The following FOXE3 variants were observed in gnomAD, a reference collection of about 807,000 sequenced individuals.
The protein encoded by FOXE3 is forkhead box E3, also known as forkhead box protein E3.
For missense variants in FOXE3, 520 were observed against 507.8 expected (o/e 1.02, Z -0.23); for synonymous variants, 274 against 258.3 (o/e 1.06, Z -0.58).
In FOXE3 at chr1:47,417,819, A is replaced by G. The variant is rs1646894566; in HGVS notation, c.*544A>G. 6.0e-6 allele frequency: 1 copy of G among 167,172 alleles called. No homozygotes were observed. The highest frequency in any genetic ancestry group is 6.6e-5 in the Admixed American group (1 of 15,262). 10.4% of individuals were successfully genotyped at this position (167,172 alleles called of 1,614,324 possible). A position where few individuals can be genotyped will look rare whatever the true frequency, so the allele number is the denominator to read the frequency against. On this transcript the variant is annotated 3_prime_UTR_variant, in exon 1 of 1. Transcript: ENST00000335071. The surrounding 1 kb of genome is among the most constrained non-coding windows in gnomAD (Gnocchi z 4.3). ...CACCTCCACTTACCTGTCTGCCCTCAGCTTCTTCCTGGGAGAGAGCCCCCC... is the reference window on the plus strand; with the variant it reads ...CACCTCCACTTACCTGTCTGCCCTCGGCTTCTTCCTGGGAGAGAGCCCCCC...
rs1298081596 is a variant in FOXE3 at position 47,417,142 on chromosome 1, C to G, written c.827C>G (p.Pro276Arg). 2 of 1,401,664 alleles carry G rather than the reference C, an allele frequency of 1.4e-6. No homozygotes were observed. Among genetic ancestry groups the G allele is most frequent in the Middle Eastern group, 2.6e-4 (1 of 3,902 alleles). 86.8% of individuals were successfully genotyped at this position (1,401,664 alleles called of 1,614,324 possible). Reference protein sequence around the residue: ...PDRLVLPATRPGPGPLPAEPL... With the variant: ...PDRLVLPATRRGPGPLPAEPL... ...CGCCTGGTACTGCCCGCGACGCGCC[C>G]CGGCCCCGGCCCGCTGCCCGCTGAG... Residue 276 changes from proline to arginine, a missense_variant, in exon 1 of 1, where the codon CCC becomes CGC. By Grantham distance (103) the Pro-to-Arg change is moderately radical (BLOSUM62 -2). Coordinates refer to ENST00000335071, the MANE Select transcript of FOXE3 (RefSeq NM_012186.3). The surrounding 1 kb of genome is among the most constrained non-coding windows in gnomAD (Gnocchi z 4.3).
Position 47,416,582 on chromosome 1 carries a change from C to T in FOXE3, c.267C>T (p.Gly89=). The T allele has an allele frequency of 6.2e-7, 1 of 1,605,894 alleles. No individual in the cohort carries two copies. Among genetic ancestry groups the T allele is most frequent in the South Asian group, 1.1e-5 (1 of 90,438 alleles). Residue 89 remains glycine, a synonymous_variant, in exon 1 of 1, where the codon GGC becomes GGT. Transcript: ENST00000335071. The surrounding 1 kb of genome is among the most constrained non-coding windows in gnomAD (Gnocchi z 4.2). The part of the protein sequence containing the change: ...LIAMALAHAP[G]RRLTLAAIYR... ...CCATGGCTCTGGCGCACGCCCCGGG[C>T]CGCCGCCTCACGCTGGCCGCCATCT...
In FOXE3 at chr1:47,416,806, G is replaced by GCAAGCGCTT. The variant is rs1553123621; in HGVS notation, c.499_507dup (p.Phe167_Arg169dup). The GCAAGCGCTT allele has an allele frequency of 6.3e-7, 1 of 1,585,134 alleles. No individual in the cohort carries two copies. Among genetic ancestry groups the GCAAGCGCTT allele is most frequent in the African/African-American group, 1.4e-5 (1 of 72,202 alleles). The stretch of plus-strand genomic sequence containing the variant: ...GACAACGGCAGCTTCCTGCGGCGCC[G>GCAAGCGCTT]CAAGCGCTTCAAGCGCGCCGAGCTG... On this transcript the variant is annotated inframe_insertion, in exon 1 of 1. Transcript: ENST00000335071. The surrounding 1 kb of genome is among the most constrained non-coding windows in gnomAD (Gnocchi z 4.2).
chr1:47,416,412 G>C lies in FOXE3; in HGVS notation c.97G>C (p.Ala33Pro). 2.4e-6 allele frequency: 3 copies of C among 1,270,188 alleles called. No individual in the cohort carries two copies. Among genetic ancestry groups the C allele is most frequent in the South Asian group, 2.2e-5 (1 of 44,464 alleles). The allele number at this position is 1,270,188 out of a possible 1,614,324, so 78.7% of individuals were successfully genotyped here. Residue 33 changes from alanine to proline, a missense_variant, in exon 1 of 1, where the codon GCA becomes CCA. By Grantham distance (27) the Ala-to-Pro change is conservative. Coordinates refer to ENST00000335071, the MANE Select transcript of FOXE3 (RefSeq NM_012186.3). This position sits in a 1 kb window ranked among gnomAD's most constrained non-coding sequence, Gnocchi z 4.2. ...APSGPPPSPL[A>P]GAEPGREPEE... Reference sequence around the variant, plus strand: ...GTCGGGGCCGCCGCCGTCGCCGCTCGCAGGAGCCGAGCCAGGGCGGGAGCC... The same window carrying C: ...GTCGGGGCCGCCGCCGTCGCCGCTCCCAGGAGCCGAGCCAGGGCGGGAGCC...
rs2124042635 is a variant in FOXE3, at chr1:47,416,689, T to C, written c.374T>C (p.Leu125Pro). 6.2e-7 allele frequency: 1 copy of C among 1,609,492 alleles called. No homozygotes were observed. Among genetic ancestry groups the C allele is most frequent in the Non-Finnish European group, 8.5e-7 (1 of 1,177,716 alleles). ...AACAGCATCCGCCACAATCTCACGC[T>C]CAACGACTGCTTCGTCAAGGTGCCC... ...WQNSIRHNLT[L>P]NDCFVKVPRE... The change falls in exon 1 of 1, where the codon CTC becomes CCC. Residue 125 changes from leucine (L) to proline (P), a missense_variant. Leu to Pro is a moderately conservative substitution (Grantham distance 98). Transcript: ENST00000335071. The surrounding 1 kb of genome is among the most constrained non-coding windows in gnomAD (Gnocchi z 4.2).
In FOXE3 at chr1:47,417,169, C is replaced by A. The variant is rs1184373895; in HGVS notation, c.854C>A (p.Pro285His). 44 of 1,389,184 alleles carry A rather than the reference C, an allele frequency of 3.2e-5. No individual in the cohort carries two copies. Among genetic ancestry groups the A allele is most frequent in the Non-Finnish European group, 3.8e-5 (41 of 1,079,420 alleles). The allele number at this position is 1,389,184 out of a possible 1,614,324, so 86.1% of individuals were successfully genotyped here. A position where few individuals can be genotyped will look rare whatever the true frequency, so the allele number is the denominator to read the frequency against. The change falls in exon 1 of 1, where the codon CCC (proline) becomes CAC (histidine). Residue 285 changes from proline (P) to histidine (H), a missense_variant. Physicochemically the swap from Pro to His is moderately conservative, Grantham distance 77. Transcript: ENST00000335071. The surrounding 1 kb of genome is among the most constrained non-coding windows in gnomAD (Gnocchi z 4.3). ...RPGPGPLPAE[P>H]LLALAGPAAA... is the part of the protein sequence containing the mutation. The stretch of plus-strand genomic sequence containing the variant: ...GGCCCCGGCCCGCTGCCCGCTGAGC[C>A]CCTCCTGGCCTTGGCCGGGCCGGCA...
rs1373839267 is a variant in FOXE3, at chr1:47,417,154, C to G, written c.839C>G (p.Pro280Arg). The part of the protein sequence containing the change: ...VLPATRPGPG[P>R]LPAEPLLALA... ...CCCGCGACGCGCCCCGGCCCCGGCC[C>G]GCTGCCCGCTGAGCCCCTCCTGGCC... Residue 280 changes from proline (P) to arginine (R), a missense_variant, in exon 1 of 1, where the codon CCG becomes CGG. Coordinates refer to ENST00000335071, the MANE Select transcript of FOXE3 (RefSeq NM_012186.3). This position sits in a 1 kb window ranked among gnomAD's most constrained non-coding sequence, Gnocchi z 4.3. 3 of 1,405,190 alleles carry G rather than the reference C, an allele frequency of 2.1e-6. No individual in the cohort carries two copies. Among genetic ancestry groups the G allele is most frequent in the East Asian group, 6.3e-5 (2 of 31,550 alleles). 87.0% of individuals were successfully genotyped at this position (1,405,190 alleles called of 1,614,324 possible).
At position 47,417,317 on chromosome 1, in the gene FOXE3, G is replaced by A. The variant is rs1209671242; in HGVS notation, c.*42G>A. The A allele has an allele frequency of 2.3e-6, 3 of 1,301,416 alleles. No homozygotes were observed. Among genetic ancestry groups the A allele is most frequent in the African/African-American group, 3.1e-5 (2 of 64,514 alleles). The allele number at this position is 1,301,416 out of a possible 1,614,324, so 80.6% of individuals were successfully genotyped here. On this transcript the variant is annotated 3_prime_UTR_variant, in exon 1 of 1. Transcript: ENST00000335071. The surrounding 1 kb of genome is among the most constrained non-coding windows in gnomAD (Gnocchi z 4.3). ...CAGGCACCTGTGCGACCTGTGCCCCGGACCTGCGGCGCCGCCCTCGAGCGC... is the reference window on the plus strand; with the variant it reads ...CAGGCACCTGTGCGACCTGTGCCCCAGACCTGCGGCGCCGCCCTCGAGCGC...
At position 47,417,145 on chromosome 1, in the gene FOXE3, G is replaced by A. The variant is rs1189285117; in HGVS notation, c.830G>A (p.Gly277Asp). The change falls in exon 1 of 1, where the codon GGC (glycine) becomes GAC (aspartate). Residue 277 changes from glycine (G) to aspartate (D), a missense_variant. By Grantham distance (94) the Gly-to-Asp change is moderately conservative (BLOSUM62 -1). Transcript: ENST00000335071. The surrounding 1 kb of genome is among the most constrained non-coding windows in gnomAD (Gnocchi z 4.3). ...DRLVLPATRP[G>D]PGPLPAEPLL... ...CTGGTACTGCCCGCGACGCGCCCCG[G>A]CCCCGGCCCGCTGCCCGCTGAGCCC... is the stretch of plus-strand genomic sequence containing the variant. 2.1e-6 allele frequency: 3 copies of A among 1,403,896 alleles called. No homozygotes were observed. The highest frequency in any genetic ancestry group is 1.5e-5 in the South Asian group (1 of 66,966). The allele number at this position is 1,403,896 out of a possible 1,614,324, so 87.0% of individuals were successfully genotyped here.
Position 47,416,421 on chromosome 1 carries a change from G to C in FOXE3, c.106G>C (p.Glu36Gln). 1 of 1,221,774 alleles carries C rather than the reference G, an allele frequency of 8.2e-7. No individual in the cohort carries two copies. The highest frequency in any genetic ancestry group is 1.0e-6 in the Non-Finnish European group (1 of 977,960). The allele number at this position is 1,221,774 out of a possible 1,614,324, so 75.7% of individuals were successfully genotyped here. ...GCCGCCGTCGCCGCTCGCAGGAGCC[G>C]AGCCAGGGCGGGAGCCAGAGGAGGC... is the stretch of plus-strand genomic sequence containing the variant. ...GPPPSPLAGA[E>Q]PGREPEEAAA... Residue 36 changes from glutamate (E) to glutamine (Q), a missense_variant, in exon 1 of 1, where the codon GAG (glutamate) becomes CAG (glutamine). Coordinates refer to ENST00000335071, the MANE Select transcript of FOXE3 (RefSeq NM_012186.3). This position sits in a 1 kb window ranked among gnomAD's most constrained non-coding sequence, Gnocchi z 4.2.
Position 47,417,557 on chromosome 1 carries a change from C to T in FOXE3, c.*282C>T, listed in dbSNP as rs1304747150. 1.9e-5 allele frequency: 6 copies of T among 311,306 alleles called. No homozygotes were observed. The East Asian group carries it at 3.3e-4, about 17-fold the overall frequency. 19.3% of individuals were successfully genotyped at this position (311,306 alleles called of 1,614,324 possible). A position where few individuals can be genotyped will look rare whatever the true frequency, so the allele number is the denominator to read the frequency against. On this transcript the variant is annotated 3_prime_UTR_variant, in exon 1 of 1. Coordinates refer to ENST00000335071, the MANE Select transcript of FOXE3 (RefSeq NM_012186.3). The surrounding 1 kb of genome is among the most constrained non-coding windows in gnomAD (Gnocchi z 4.3). ...CCCCCAGCTTTGCGGCGCCCCCCAC[C>T]CCAGCGCTGTCTGTGGGTCCCTTGC...
Position 47,416,595 on chromosome 1 carries a change from C to T in FOXE3, c.280C>T (p.Leu94=), listed in dbSNP as rs775492512. ...GCACGCCCCGGGCCGCCGCCTCACG[C>T]TGGCCGCCATCTACCGCTTCATCAC... ...LAHAPGRRLT[L]AAIYRFITER... Residue 94 remains leucine, a synonymous_variant, in exon 1 of 1, where the codon CTG becomes TTG. Transcript: ENST00000335071. This position sits in a 1 kb window ranked among gnomAD's most constrained non-coding sequence, Gnocchi z 4.2. The T allele has an allele frequency of 1.9e-6, 3 of 1,607,268 alleles. No homozygotes were observed.
At position 47,416,321 on chromosome 1, in the gene FOXE3, G is replaced by T. The variant is rs928328635; in HGVS notation, c.6G>T (p.Ala2=). 7 of 1,347,470 alleles carry T rather than the reference G, an allele frequency of 5.2e-6. No individual in the cohort carries two copies. Among genetic ancestry groups the T allele is most frequent in the East Asian group, 6.4e-5 (2 of 31,388 alleles). The allele number at this position is 1,347,470 out of a possible 1,614,324, so 83.5% of individuals were successfully genotyped here. The change falls in exon 1 of 1, where the codon GCG becomes GCT. Residue 2 remains alanine, a synonymous_variant. Coordinates refer to ENST00000335071, the MANE Select transcript of FOXE3 (RefSeq NM_012186.3). The surrounding 1 kb of genome is among the most constrained non-coding windows in gnomAD (Gnocchi z 4.2). ...GGCAGGGGCTGCCGCAGCCGATGGC[G>T]GGGCGCAGCGACATGGATCCGCCCG... The part of the protein sequence containing the change: M[A]GRSDMDPPAA...
Position 47,416,680 on chromosome 1 carries a change from A to G in FOXE3, c.365A>G (p.Asn122Ser). 1 of 1,609,758 alleles carries G rather than the reference A, an allele frequency of 6.2e-7. No homozygotes were observed. The highest frequency in any genetic ancestry group is 8.5e-7 in the Non-Finnish European group (1 of 1,177,836). The change falls in exon 1 of 1, where the codon AAT becomes AGT. Residue 122 changes from asparagine to serine, a missense_variant. Transcript: ENST00000335071. This position sits in a 1 kb window ranked among gnomAD's most constrained non-coding sequence, Gnocchi z 4.2. ...PRKWQNSIRH[N>S]LTLNDCFVKV... ...AAGTGGCAGAACAGCATCCGCCACA[A>G]TCTCACGCTCAACGACTGCTTCGTC...
Position 47,417,246 on chromosome 1 carries a change from T to A in FOXE3, c.931T>A (p.Phe311Ile). 1 of 1,355,990 alleles carries A rather than the reference T, an allele frequency of 7.4e-7. No individual in the cohort carries two copies. Among genetic ancestry groups the A allele is most frequent in the South Asian group, 1.8e-5 (1 of 55,242 alleles). The allele number at this position is 1,355,990 out of a possible 1,614,324, so 84.0% of individuals were successfully genotyped here. A position where few individuals can be genotyped will look rare whatever the true frequency, so the allele number is the denominator to read the frequency against. ...GGAGGCCTACCTGAGGCAGCCGGGC[T>A]TCGCGTCGGGGCTGGAGCGCTACCT... is the stretch of plus-strand genomic sequence containing the variant. ...PGEAYLRQPG[F>I]ASGLERYL The change falls in exon 1 of 1, where the codon TTC (phenylalanine) becomes ATC (isoleucine). Residue 311 changes from phenylalanine to isoleucine, a missense_variant. Phe to Ile is a conservative substitution (Grantham distance 21). Coordinates refer to ENST00000335071, the MANE Select transcript of FOXE3 (RefSeq NM_012186.3). The surrounding 1 kb of genome is among the most constrained non-coding windows in gnomAD (Gnocchi z 4.3).
rs1646888899 is a variant in FOXE3, at chr1:47,417,038, C to A, written c.723C>A (p.Ala241=). Residue 241 remains alanine (A), a synonymous_variant, in exon 1 of 1, where the codon GCC becomes GCA. Transcript: ENST00000335071. The surrounding 1 kb of genome is among the most constrained non-coding windows in gnomAD (Gnocchi z 4.3). ...GLGAPEPPCC[A]APDAAAAAFP... is the part of the protein sequence containing the mutation. ...GCGCCCCCGAGCCGCCCTGCTGCGC[C>A]GCGCCCGACGCCGCAGCCGCAGCCT... is the stretch of plus-strand genomic sequence containing the variant. 7.6e-7 allele frequency: 1 copy of A among 1,320,442 alleles called. No homozygotes were observed. 81.8% of individuals were successfully genotyped at this position (1,320,442 alleles called of 1,614,324 possible).
chr1:47,416,302 G>C lies in FOXE3; in HGVS notation c.-14G>C, dbSNP rs181190356. The C allele has an allele frequency of 2.0e-5, 26 of 1,320,206 alleles. No homozygotes were observed. Among genetic ancestry groups the C allele is most frequent in the Admixed American group, 3.1e-5 (1 of 32,200 alleles). 81.8% of individuals were successfully genotyped at this position (1,320,206 alleles called of 1,614,324 possible). ...GCGGTCCCGGAGCCGCGCGGGCAGG[G>C]GCTGCCGCAGCCGATGGCGGGGCGC... On this transcript the variant is annotated 5_prime_UTR_variant, in exon 1 of 1. Transcript: ENST00000335071. The surrounding 1 kb of genome is among the most constrained non-coding windows in gnomAD (Gnocchi z 4.2).
Position 47,417,044 on chromosome 1 carries a change from C to G in FOXE3, c.729C>G (p.Pro243=). The change falls in exon 1 of 1, where the codon CCC becomes CCG. Residue 243 remains proline (P), a synonymous_variant. Coordinates refer to ENST00000335071, the MANE Select transcript of FOXE3 (RefSeq NM_012186.3). This position sits in a 1 kb window ranked among gnomAD's most constrained non-coding sequence, Gnocchi z 4.3. The part of the protein sequence containing the change: ...GAPEPPCCAA[P]DAAAAAFPPC... ...CCGAGCCGCCCTGCTGCGCCGCGCC[C>G]GACGCCGCAGCCGCAGCCTTCCCGC... is the stretch of plus-strand genomic sequence containing the variant. The G allele has an allele frequency of 2.3e-6, 3 of 1,322,562 alleles. No homozygotes were observed. Among genetic ancestry groups the G allele is most frequent in the African/African-American group, 1.6e-5 (1 of 63,944 alleles). 81.9% of individuals were successfully genotyped at this position (1,322,562 alleles called of 1,614,324 possible). A position where few individuals can be genotyped will look rare whatever the true frequency, so the allele number is the denominator to read the frequency against.
Position 47,417,346 on chromosome 1 carries a change from ATCTCTACCCCCCAC to A in FOXE3, c.*72_*85del. 1 of 1,240,824 alleles carries A rather than the reference ATCTCTACCCCCCAC, an allele frequency of 8.1e-7. No individual in the cohort carries two copies. The highest frequency in any genetic ancestry group is 1.0e-6 in the Non-Finnish European group (1 of 975,178). The allele number at this position is 1,240,824 out of a possible 1,614,324, so 76.9% of individuals were successfully genotyped here. A position where few individuals can be genotyped will look rare whatever the true frequency, so the allele number is the denominator to read the frequency against. On this transcript the variant is annotated 3_prime_UTR_variant, in exon 1 of 1. Transcript: ENST00000335071. This position sits in a 1 kb window ranked among gnomAD's most constrained non-coding sequence, Gnocchi z 4.3. ...CTGCGGCGCCGCCCTCGAGCGCCCCATCTCTACCCCCCACCCTGGCTTGGAGCACACCCTGCGCC... is the reference window on the plus strand; with the variant it reads ...CTGCGGCGCCGCCCTCGAGCGCCCCACCTGGCTTGGAGCACACCCTGCGCC...
Sources: allele counts gnomAD v4.1 joint callset, GRCh38; gene constraint gnomAD v4.1.1; non-coding constraint Gnocchi (gnomAD v3.1); transcripts MANE v1.5; gene names NCBI Gene and HGNC (gene_info 2026-07-23, HGNC 2026-07-21).